Variants in KSR2 observed in about 807,000 individuals in gnomAD.
The protein encoded by KSR2 is kinase suppressor of ras 2.
In KSR2, 25 loss-of-function variants were observed where a neutral mutation model predicts 107.8. The ratio of observed to expected loss-of-function variants is 0.23; its 90% confidence interval spans 0.17 to 0.32. The LOEUF is 0.32. Ranked by LOEUF, KSR2 falls within the 10% of genes least tolerant of loss-of-function variation. KSR2 has a pLI of 1.00. For synonymous variants in KSR2, 480 were observed against 507.0 expected (o/e 0.95, Z 0.71); for missense variants, 887 against 1,268.9 (o/e 0.70, Z 4.57).
intron 5 of KSR2, among the ~76,000 whole-genome samples, chr12:117,598,228 C>A (rs1880750712): frequency 1.3e-5 from 2 of 152,144 alleles, no homozygotes; most frequent in African/African-American, 4.8e-5. Context: ...TGAGAAGATA[C>A]AATAGCTGGT....
Position 117,513,797 on chromosome 12 carries a change from T to C in KSR2, c.2219+11055A>G, listed in dbSNP as rs376458174. On this transcript the variant is annotated intron_variant, in intron 14 of 19. Transcript: ENST00000339824. ...AATCAGACAGTCTCTTCCTAGCTTA[T>C]GACCTTGGGCAAAATCGTAATTAAA... Among the ~76,000 whole-genome samples, 10 of 152,372 alleles carry C rather than the reference T, an allele frequency of 6.6e-5. No individual in the cohort carries two copies. In the East Asian group the frequency reaches 1.2e-3, roughly 18 times the overall value.
At chr12:117,644,484 G>C (rs937639421) in intron 5 of KSR2, among the ~76,000 whole-genome samples, 10 of 152,118 alleles carry the variant, frequency 6.6e-5, no homozygotes, top group Non-Finnish European at 1.3e-4. Flanking sequence ...ATCACCCAGG[G>C]AACTTTAAAA....
intron 1 of KSR2, among the ~76,000 whole-genome samples, chr12:117,918,075 T>G (rs1012270168): frequency 6.6e-6 from 1 of 152,194 alleles, no homozygotes; most frequent in Non-Finnish European, 1.5e-5. Context: ...ACTGAGGTCA[T>G]GGCAACTGCA....
At chr12:117,514,079 G>C (rs1874208394) in intron 14 of KSR2, among the ~76,000 whole-genome samples, 1 of 152,224 alleles carries the variant, frequency 6.6e-6, no homozygotes, top group Admixed American at 6.5e-5. Flanking sequence ...TTGCTTTCTG[G>C]AACACATGGT....
intron 1 of KSR2, among the ~76,000 whole-genome samples, chr12:117,916,138 T>C (rs997964818): frequency 2.0e-4 from 28 of 143,328 alleles, no homozygotes; most frequent in East Asian, 4.0e-4. Context: ...TCTTCTTCTT[T>C]TTTTTTTTTT....
chr12:117,765,648 G>C (rs1360330600), intron 3 of KSR2, among the ~76,000 whole-genome samples: 1 of 152,138 alleles, frequency 6.6e-6, no homozygotes, highest in Non-Finnish European at 1.5e-5. Context: ...TCTTAGTAGG[G>C]AAACAAATGA....
chr12:117,902,495 TA>T (rs35386887), intron 1 of KSR2, among the ~76,000 whole-genome samples: 6,618 of 102,510 alleles, frequency 0.065, 388 homozygotes, highest in East Asian at 0.35. Flanking sequence ...GACTCTGTCT[TA>T]AAAAAAAAAA....
At chr12:117,616,998 G>A (rs971257802) in intron 5 of KSR2, among the ~76,000 whole-genome samples, 5 of 152,156 alleles carry the variant, frequency 3.3e-5, no homozygotes, top group African/African-American at 9.7e-5. Flanking sequence ...AAGGCACTGG[G>A]TTTAGCAGTT....
chr12:117,467,339 G>A (rs1871198932), intron 19 of KSR2, 134 bp from the exon 20 acceptor site: 1 of 516,034 alleles, frequency 1.9e-6, no homozygotes, highest in African/African-American at 2.0e-5. Context: ...AAGAAGACAT[G>A]GAAGAGATTT....
rs1873597210 is a variant in KSR2 at position 117,505,094 on chromosome 12, T to C, written c.2220-19403A>G. ...CAAAAGACATGATTTAGTTCATTTTTATGGACGAGTAGTATTCCATGGTGT... is the reference window on the plus strand; with the variant it reads ...CAAAAGACATGATTTAGTTCATTTTCATGGACGAGTAGTATTCCATGGTGT... On this transcript the variant is annotated intron_variant, in intron 14 of 19. Coordinates refer to ENST00000339824, the MANE Select transcript of KSR2 (RefSeq NM_173598.6). Among the ~76,000 whole-genome samples the C allele has an allele frequency of 2.0e-5, 3 of 152,238 alleles. 1 individual carries two copies. In the South Asian group the frequency reaches 6.2e-4, roughly 32 times the overall value.
intron 4 of KSR2, among the ~76,000 whole-genome samples, chr12:117,735,415 AC>A (rs1887901560): frequency 6.6e-6 from 1 of 152,152 alleles, no homozygotes; most frequent in African/African-American, 2.4e-5. Flanking sequence ...AGAACTCAAC[AC>A]GATTATCACA....
Position 117,667,470 on chromosome 12 carries a change from T to G in KSR2, c.1171+4A>C. 1 of 1,608,862 alleles carries G rather than the reference T, an allele frequency of 6.2e-7. No individual in the cohort carries two copies. On this transcript the variant is annotated splice_donor_region_variant and intron_variant, in intron 5 of 19. Transcript: ENST00000339824. Reference sequence around the variant, plus strand: ...TCCCAGTGCAGCCCGGCAGGGTGACTTACTTGCAGAGAAGTTGGCCTCAGT... The same window carrying G: ...TCCCAGTGCAGCCCGGCAGGGTGACGTACTTGCAGAGAAGTTGGCCTCAGT...
chr12:117,781,782 C>T (rs1889897922), intron 3 of KSR2, among the ~76,000 whole-genome samples: 1 of 152,206 alleles, frequency 6.6e-6, no homozygotes, highest in Non-Finnish European at 1.5e-5. Flanking sequence ...CCCTCCCTGG[C>T]ACCCAGCCTG....
chr12:117,940,127 C>T (rs567195899), intron 1 of KSR2, among the ~76,000 whole-genome samples: 2 of 152,238 alleles, frequency 1.3e-5, no homozygotes, highest in Admixed American at 6.5e-5. Context: ...CCCTTAAAAA[C>T]GTCAATACTG....
intron 3 of KSR2, among the ~76,000 whole-genome samples, chr12:117,793,554 C>T (rs1053775764): frequency 1.3e-5 from 2 of 149,818 alleles, no homozygotes; most frequent in Admixed American, 6.6e-5. Context: ...AACATGCACA[C>T]TCACACCAAC....
chr12:117,609,247 A>G (rs775904245), intron 5 of KSR2, among the ~76,000 whole-genome samples: 17 of 152,164 alleles, frequency 1.1e-4, no homozygotes, highest in Non-Finnish European at 2.4e-4. Context: ...CAAGTTTCTC[A>G]TCTTTAAAAT....
Position 117,465,025 on chromosome 12 carries a change from C to T in KSR2, c.*2174G>A, listed in dbSNP as rs1871078962. On this transcript the variant is annotated 3_prime_UTR_variant, in exon 20 of 20. Transcript: ENST00000339824. The stretch of plus-strand genomic sequence containing the variant: ...CTGCAGGGTAGTAGACCCTGGCTGC[C>T]TCTTCCCTTCCTCATATCCTGTCTC... 1 of 152,246 alleles carries T rather than the reference C, an allele frequency of 6.6e-6. No homozygotes were observed. Among genetic ancestry groups the T allele is most frequent in the Non-Finnish European group, 1.5e-5 (1 of 68,052 alleles). The allele number at this position is 152,246 out of a possible 1,614,324, so 9.4% of individuals were successfully genotyped here. A position where few individuals can be genotyped will look rare whatever the true frequency, so the allele number is the denominator to read the frequency against.
intron 7 of KSR2, among the ~76,000 whole-genome samples, chr12:117,571,901 T>A (rs1049155258): frequency 6.6e-6 from 1 of 152,040 alleles, no homozygotes; most frequent in Non-Finnish European, 1.5e-5. Flanking sequence ...AACTCACTCT[T>A]GGGATGATGA....
chr12:117,882,728 CCCACCCAA>C (rs1282501524), intron 1 of KSR2, among the ~76,000 whole-genome samples: 2 of 147,856 alleles, frequency 1.4e-5, no homozygotes, highest in Non-Finnish European at 3.0e-5. Context: ...CATCCAACCA[CCCACCCAA>C]CCACCCATCC....
Sources: gnomAD v4.1 joint callset for allele counts (sites outside exome capture counted in the v4.1 genomes callset) on GRCh38, gnomAD v4.1.1 for gene constraint, MANE v1.5 for transcripts, NCBI Gene and HGNC (gene_info 2026-07-23, HGNC 2026-07-21) for gene names.